The following ELMO1 variants were observed in gnomAD, a reference collection of about 807,000 sequenced individuals.
The protein encoded by ELMO1 is engulfment and cell motility 1.
In ELMO1, 26 loss-of-function variants were observed where a neutral mutation model predicts 98.9. The ratio of observed to expected loss-of-function variants is 0.26; its 90% CI spans 0.19 to 0.36. The LOEUF is 0.36. ELMO1 is among the 10% of genes least tolerant of loss of function. The pLI is 1.00. For synonymous variants in ELMO1, 346 were observed against 346.0 expected, an observed-to-expected ratio of 1.00 and a Z score of 0.00; for missense variants, 627 against 935.2, an observed-to-expected ratio of 0.67 and a Z score of 4.30.
At chr7:37,212,334 A>G (rs908369128) in intron 12 of ELMO1, among the ~76,000 whole-genome samples, 5 of 152,198 alleles carry the variant, frequency 3.3e-5, no homozygotes, top group African/African-American at 1.2e-4. Context: ...ATGTGAATGT[A>G]CTTAATGCCA....
chr7:37,251,042 T>A (rs1251858810), intron 6 of ELMO1, among the ~76,000 whole-genome samples: 1 of 152,086 alleles, frequency 6.6e-6, no homozygotes, highest in African/African-American at 2.4e-5. Flanking sequence ...GACACAGAAG[T>A]AGGCTTTCTC....
chr7:37,266,271 A>C (rs2130826426), intron 5 of ELMO1, among the ~76,000 whole-genome samples: 1 of 152,340 alleles, frequency 6.6e-6, no homozygotes, highest in South Asian at 2.1e-4. Context: ...GAATTAAAAA[A>C]AAAAATTAAT....
intron 15 of ELMO1, among the ~76,000 whole-genome samples, chr7:37,075,564 T>C (rs1229655435): frequency 6.6e-6 from 1 of 152,214 alleles, no homozygotes; most frequent in Admixed American, 6.5e-5. Flanking sequence ...TCCAGGAGGA[T>C]GAGACCAAGG....
chr7:37,125,105 C>G (rs1786404586), intron 14 of ELMO1, among the ~76,000 whole-genome samples: 1 of 152,084 alleles, frequency 6.6e-6, no homozygotes, highest in Admixed American at 6.5e-5. Context: ...GAAACTGGAT[C>G]CCTTCCTTAC....
intron 4 of ELMO1, among the ~76,000 whole-genome samples, chr7:37,290,765 T>C (rs1192797590): frequency 7.9e-5 from 12 of 152,186 alleles, no homozygotes; most frequent in Admixed American, 7.2e-4. Flanking sequence ...TAAATTCAAT[T>C]CAATTTTAAT....
intron 4 of ELMO1, among the ~76,000 whole-genome samples, chr7:37,285,744 T>A (rs1797360814): frequency 6.6e-6 from 1 of 151,724 alleles, no homozygotes; most frequent in Admixed American, 6.6e-5. Flanking sequence ...CAATGAGGAG[T>A]GCCTGTGTTT....
At chr7:37,108,156 A>G (rs1785043821) in intron 14 of ELMO1, among the ~76,000 whole-genome samples, 1 of 152,170 alleles carries the variant, frequency 6.6e-6, no homozygotes, top group African/African-American at 2.4e-5. Flanking sequence ...TTTTCTTCCT[A>G]TTACATCTAG....
chr7:37,238,849 G>C (rs1794610616), intron 7 of ELMO1, among the ~76,000 whole-genome samples: 1 of 152,128 alleles, frequency 6.6e-6, no homozygotes, highest in Non-Finnish European at 1.5e-5. Context: ...CTGCTTGATT[G>C]ATTTTCAAAT....
At chr7:37,267,038 T>TACACACAC (rs60344761) in intron 5 of ELMO1, among the ~76,000 whole-genome samples, 3 of 100,356 alleles carry the variant, frequency 3.0e-5, no homozygotes, top group South Asian at 3.4e-4. Flanking sequence ...TATGTATATA[T>TACACACAC]ACACACACAC....
intron 13 of ELMO1, among the ~76,000 whole-genome samples, chr7:37,167,699 G>A (rs1230401081): frequency 2.6e-5 from 4 of 152,024 alleles, no homozygotes; most frequent in African/African-American, 7.2e-5. Context: ...AGTTTCTGCC[G>A]AGAGATCAGC....
chr7:37,394,700 G>A (rs1055993049), intron 1 of ELMO1, among the ~76,000 whole-genome samples: 1 of 152,156 alleles, frequency 6.6e-6, no homozygotes, highest in Admixed American at 6.5e-5. Context: ...GCAGAATTTT[G>A]CATCAATGTG....
At chr7:37,385,474 C>T (rs1802761047) in intron 1 of ELMO1, among the ~76,000 whole-genome samples, 1 of 152,246 alleles carries the variant, frequency 6.6e-6, no homozygotes, top group Non-Finnish European at 1.5e-5. Flanking sequence ...ATTCAAATGT[C>T]ACCTCCTTAG....
chr7:37,361,738 G>A (rs1342076136), intron 1 of ELMO1, among the ~76,000 whole-genome samples: 2 of 152,234 alleles, frequency 1.3e-5, no homozygotes, highest in Non-Finnish European at 2.9e-5. Flanking sequence ...GCCGGCGGAT[G>A]GCTTGAGCTC....
chr7:37,045,781 A>G (rs1186377664), intron 15 of ELMO1, among the ~76,000 whole-genome samples: 1 of 152,232 alleles, frequency 6.6e-6, no homozygotes, highest in Non-Finnish European at 1.5e-5. Flanking sequence ...TATTTCTATG[A>G]TGGAAAGTAT....
rs973866013 is a variant in ELMO1 at position 37,126,201 on chromosome 7, A to G, written c.1191+6929T>C. Among the ~76,000 whole-genome samples the G allele has an allele frequency of 2.0e-5, 3 of 151,508 alleles. No homozygotes were observed. In the South Asian group the frequency reaches 6.3e-4, roughly 32 times the overall value. On this transcript the variant is annotated intron_variant, in intron 14 of 21. Transcript: ENST00000310758. Reference sequence around the variant, plus strand: ...TTAGGAGATATACCTAATGTAAATGACTAGTTAATGGGTGCGGCACACCAA... The same window carrying G: ...TTAGGAGATATACCTAATGTAAATGGCTAGTTAATGGGTGCGGCACACCAA...
chr7:37,168,612 T>C (rs575092441), intron 13 of ELMO1, among the ~76,000 whole-genome samples: 115 of 152,304 alleles, frequency 7.6e-4, no homozygotes, highest in Middle Eastern at 3.4e-3. Flanking sequence ...CTTCAGACCC[T>C]GTTTGCCTGG....
chr7:37,168,576 G>T (rs1230371701), intron 13 of ELMO1, among the ~76,000 whole-genome samples: 2 of 152,190 alleles, frequency 1.3e-5, no homozygotes, highest in Non-Finnish European at 1.5e-5. Flanking sequence ...TCAGTTGCAG[G>T]TCTGTTGGAG....
intron 15 of ELMO1, among the ~76,000 whole-genome samples, chr7:37,082,241 G>A (rs7787136): frequency 0.2 from 30,976 of 152,072 alleles, 3,741 homozygotes; most frequent in African/African-American, 0.34. Flanking sequence ...GAGGATGCTT[G>A]CATGGGAAAA....
intron 4 of ELMO1, among the ~76,000 whole-genome samples, chr7:37,310,860 C>T (rs76061866): frequency 0.028 from 4,268 of 152,214 alleles, 85 homozygotes; most frequent in Non-Finnish European, 0.04. Context: ...TCACTTTTCT[C>T]GTAAAATGAA....
Sources: gnomAD v4.1 joint callset for allele counts (sites outside exome capture counted in the v4.1 genomes callset) on GRCh38, gnomAD v4.1.1 for gene constraint, MANE v1.5 for transcripts, NCBI Gene and HGNC (gene_info 2026-07-23, HGNC 2026-07-21) for gene names.